Variants in ZCCHC17 observed in about 807,000 individuals in gnomAD.
ZCCHC17 encodes zinc finger CCHC-type containing 17, also known as zinc finger CCHC domain-containing protein 17.
Under a neutral mutation model 30.6 loss-of-function variants are expected in ZCCHC17, and 18 were observed. The observed-to-expected ratio is 0.59, with a 90% confidence interval of 0.41 to 0.87. The LOEUF (loss-of-function observed/expected upper bound fraction) is 0.87, where lower values mean the gene tolerates loss of function less well. Ranked by LOEUF, ZCCHC17 falls within the 40% of genes least tolerant of loss-of-function variation. ZCCHC17 has a pLI of 0.00. For missense variants in ZCCHC17, 263 were observed against 284.2 expected, an observed-to-expected ratio of 0.93 and a Z score of 0.54; for synonymous variants, 88 against 92.4, an observed-to-expected ratio of 0.95 and a Z score of 0.27.
At chr1:31,303,121 C>CA (rs576910578) in intron 1 of ZCCHC17, among the ~76,000 whole-genome samples, 14,118 of 137,484 alleles carry the variant, frequency 0.1, 2,156 homozygotes, top group African/African-American at 0.33. Flanking sequence ...TACCCCCCCT[C>CA]AAAAAAAAAA....
At chr1:31,297,971 CTTTTA>C (rs1030770681) in intron 1 of ZCCHC17, among the ~76,000 whole-genome samples, 1 of 152,314 alleles carries the variant, frequency 6.6e-6, no homozygotes, top group African/African-American at 2.4e-5. Flanking sequence ...GAATTTGTAG[CTTTTA>C]TTTTAAAACG....
intron 3 of ZCCHC17, among the ~76,000 whole-genome samples, chr1:31,326,020 A>T (rs1638330458): frequency 6.6e-6 from 1 of 152,018 alleles, no homozygotes; most frequent in Non-Finnish European, 1.5e-5. Flanking sequence ...AAAAACTAAC[A>T]TGGAAAGAAG....
chr1:31,312,575 A>G (rs1646631648), intron 2 of ZCCHC17, among the ~76,000 whole-genome samples: 1 of 152,134 alleles, frequency 6.6e-6, no homozygotes, highest in African/African-American at 2.4e-5. Flanking sequence ...TTGTTTGTTA[A>G]ATGGAGGTTC....
At chr1:31,336,952 G>A (rs1241496813) in intron 3 of ZCCHC17, 7 of 353,326 alleles carry the variant, frequency 2.0e-5, no homozygotes, top group Non-Finnish European at 3.6e-5. Flanking sequence ...GGGATTACAG[G>A]CATGAGCCAC....
chr1:31,311,031 C>T (rs1569764973), intron 2 of ZCCHC17, among the ~76,000 whole-genome samples: 1 of 152,216 alleles, frequency 6.6e-6, no homozygotes, highest in South Asian at 2.1e-4. Context: ...CGTAGCTCCT[C>T]TCCAGTCTGT....
chr1:31,300,933 CAA>C (rs199550009), intron 1 of ZCCHC17, among the ~76,000 whole-genome samples: 10 of 107,988 alleles, frequency 9.3e-5, no homozygotes, highest in Admixed American at 9.6e-5. Flanking sequence ...AACTCTGTCT[CAA>C]AAAAAAAAAA....
At chr1:31,300,599 C>T (rs1646287287) in intron 1 of ZCCHC17, among the ~76,000 whole-genome samples, 1 of 151,876 alleles carries the variant, frequency 6.6e-6, no homozygotes, top group African/African-American at 2.4e-5. Context: ...ATCTGATATC[C>T]CTATCAGATT....
At chr1:31,316,242 C>T (rs1229065048) in intron 2 of ZCCHC17, among the ~76,000 whole-genome samples, 2 of 152,200 alleles carry the variant, frequency 1.3e-5, no homozygotes, top group Non-Finnish European at 2.9e-5. Flanking sequence ...GCTGGGATTA[C>T]AGGCATGTGC....
chr1:31,328,663 G>A (rs1193869659), intron 3 of ZCCHC17, among the ~76,000 whole-genome samples: 2 of 152,116 alleles, frequency 1.3e-5, no homozygotes, highest in African/African-American at 4.8e-5. Flanking sequence ...GATACATGGG[G>A]TAGGGTATGG....
intron 7 of ZCCHC17, among the ~76,000 whole-genome samples, chr1:31,350,844 C>T (rs1023006940): frequency 9.2e-5 from 14 of 152,262 alleles, no homozygotes; most frequent in African/African-American, 1.9e-4. Flanking sequence ...TCAAGTGATC[C>T]GCCTGCCTTC....
chr1:31,347,630 T>C (rs1213257809), intron 6 of ZCCHC17, among the ~76,000 whole-genome samples: 2 of 152,176 alleles, frequency 1.3e-5, no homozygotes, highest in Admixed American at 1.3e-4. Flanking sequence ...ATAGCTTTTT[T>C]TGTTGTTTTT....
rs113533667 is a variant in ZCCHC17 at position 31,345,307 on chromosome 1, C to T, written c.318-1333C>T. Among the ~76,000 whole-genome samples the T allele has an allele frequency of 1.9e-3, 288 of 151,392 alleles. 1 individual carries two copies. Among genetic ancestry groups the T allele is most frequent in the African/African-American group, 6.5e-3 (267 of 41,242 alleles). On this transcript the variant is annotated intron_variant, in intron 5 of 7. Coordinates refer to ENST00000344147, the MANE Select transcript of ZCCHC17 (RefSeq NM_016505.4). ...AAGTTGCTGGGACTACAGGCGCCCG[C>T]CACCTCGCCCGGCTAATTTTTTGTA...
intron 3 of ZCCHC17, among the ~76,000 whole-genome samples, chr1:31,330,234 C>G (rs1040230144): frequency 1.3e-5 from 2 of 152,180 alleles, no homozygotes; most frequent in African/African-American, 2.4e-5. Context: ...TTTAAGGGGA[C>G]TATAATGGGC....
intron 7 of ZCCHC17, among the ~76,000 whole-genome samples, chr1:31,355,834 C>T (rs1461184405): frequency 6.6e-6 from 1 of 152,180 alleles, no homozygotes; most frequent in Non-Finnish European, 1.5e-5. Flanking sequence ...TTCCAGCCCT[C>T]CTGTTTCCTT....
At chr1:31,305,900 G>A (rs1646442984) in intron 1 of ZCCHC17, among the ~76,000 whole-genome samples, 1 of 152,104 alleles carries the variant, frequency 6.6e-6, no homozygotes, top group Non-Finnish European at 1.5e-5. Context: ...ACCTGTTATA[G>A]TCATACCCCC....
intron 3 of ZCCHC17, among the ~76,000 whole-genome samples, chr1:31,330,206 C>T (rs755558720): frequency 1.3e-5 from 2 of 152,188 alleles, no homozygotes; most frequent in African/African-American, 2.4e-5. Context: ...TTGAACCTAA[C>T]GCAGTTGGGG....
intron 2 of ZCCHC17, among the ~76,000 whole-genome samples, chr1:31,316,320 T>G (rs934383609): frequency 3.3e-5 from 5 of 152,188 alleles, no homozygotes; most frequent in African/African-American, 1.2e-4. Flanking sequence ...CAGGCTGGTC[T>G]CGAACTCCTG....
At chr1:31,363,813 T>A (rs1640023565) in intron 7 of ZCCHC17, among the ~76,000 whole-genome samples, 1 of 152,114 alleles carries the variant, frequency 6.6e-6, no homozygotes, top group African/African-American at 2.4e-5. Context: ...CCCTATTGAT[T>A]GTGTGCTATA....
intron 3 of ZCCHC17, among the ~76,000 whole-genome samples, chr1:31,334,337 CTGTGTG>C (rs59851204): frequency 0.12 from 10,524 of 84,274 alleles, 790 homozygotes; most frequent in East Asian, 0.24. Flanking sequence ...CTCTCTCTCT[CTGTGTG>C]TGTGTGTGTG....
Sources: allele counts gnomAD v4.1 joint callset (sites outside exome capture counted in the v4.1 genomes callset), GRCh38; gene constraint gnomAD v4.1.1; transcripts MANE v1.5; gene names NCBI Gene and HGNC (gene_info 2026-07-23, HGNC 2026-07-21).